The following TMEM82 variants were observed in gnomAD, a reference collection of about 807,000 sequenced individuals.
TMEM82 encodes transmembrane protein 82.
In TMEM82, 30 loss-of-function variants were observed where a neutral mutation model predicts 29.2. The observed-to-expected ratio is 1.03, with a 90% CI of 0.77 to 1.39. The LOEUF (loss-of-function observed/expected upper bound fraction) is 1.39, where lower values mean the gene tolerates loss of function less well. Ranked by LOEUF, TMEM82 falls within the 40% of genes most tolerant of loss-of-function variation. TMEM82 has a pLI of 0.00. For missense variants in TMEM82, 442 were observed against 447.7 expected (o/e 0.99, Z 0.12); for synonymous variants, 221 against 225.4 (o/e 0.98, Z 0.18).
At chr1:15,745,720 C>G (rs2068330019) in intron 4 of TMEM82, among the ~76,000 whole-genome samples, 1 of 151,660 alleles carries the variant, frequency 6.6e-6, no homozygotes, top group African/African-American at 2.4e-5. Context: ...TGGTGAAACC[C>G]CCGTCTCTAC....
At chr1:15,746,492 G>A (rs2148396297) in intron 4 of TMEM82, among the ~76,000 whole-genome samples, 1 of 152,192 alleles carries the variant, frequency 6.6e-6, no homozygotes, top group South Asian at 2.1e-4. Flanking sequence ...TTGGGCCCAG[G>A]TGGGTCCATG....
In TMEM82 at chr1:15,744,354, C is replaced by T. The variant is rs765587184; in HGVS notation, c.531C>T (p.Leu177=). The T allele has an allele frequency of 1.3e-5, 20 of 1,549,060 alleles. No individual in the cohort carries two copies. Among genetic ancestry groups the T allele is most frequent in the Middle Eastern group, 1.7e-4 (1 of 5,958 alleles). ...GCCTCCACCGCCACGTCTGCCGCCTCTACGAGCTGCACAGCAGCCAGCGCT... is the reference window on the plus strand; with the variant it reads ...GCCTCCACCGCCACGTCTGCCGCCTTTACGAGCTGCACAGCAGCCAGCGCT... ...ARRLHRHVCR[L]YELHSSQRYC... Residue 177 remains leucine (L), a synonymous_variant, in exon 4 of 6, where the codon CTC becomes CTT. Transcript: ENST00000375782. This position sits in a 1 kb window ranked among gnomAD's most constrained non-coding sequence, Gnocchi z 5.2.
At position 15,744,672 on chromosome 1, in the gene TMEM82, C is replaced by G; in HGVS notation, c.757+92C>G. 1 of 1,415,176 alleles carries G rather than the reference C, an allele frequency of 7.1e-7. No individual in the cohort carries two copies. The highest frequency in any genetic ancestry group is 9.4e-7 in the Non-Finnish European group (1 of 1,060,470). The allele number at this position is 1,415,176 out of a possible 1,614,324, so 87.7% of individuals were successfully genotyped here. On this transcript the variant is annotated intron_variant, in intron 4 of 5. Transcript: ENST00000375782. The surrounding 1 kb of genome is among the most constrained non-coding windows in gnomAD (Gnocchi z 5.2). The stretch of plus-strand genomic sequence containing the variant: ...AGGCCGAGAGCCATCAGCCCTCACT[C>G]TTGCCATCCCAGAGAGCCTGGTCAG...
Position 15,744,369 on chromosome 1 carries a change from C to A in TMEM82, c.546C>A (p.Ser182Arg), listed in dbSNP as rs751515451. 1 of 1,557,110 alleles carries A rather than the reference C, an allele frequency of 6.4e-7. No homozygotes were observed. The highest frequency in any genetic ancestry group is 1.9e-5 in the Admixed American group (1 of 52,446). Reference protein sequence around the residue: ...RHVCRLYELHSSQRYCGVCLG... With the variant: ...RHVCRLYELHRSQRYCGVCLG... ...TCTGCCGCCTCTACGAGCTGCACAGCAGCCAGCGCTACTGTGGGGTGTGCC... is the reference window on the plus strand; with the variant it reads ...TCTGCCGCCTCTACGAGCTGCACAGAAGCCAGCGCTACTGTGGGGTGTGCC... Residue 182 changes from serine to arginine, a missense_variant, in exon 4 of 6, where the codon AGC (serine) becomes AGA (arginine). Physicochemically the swap from Ser to Arg is moderately radical, Grantham distance 110 (BLOSUM62 -1). Coordinates refer to ENST00000375782, the MANE Select transcript of TMEM82 (RefSeq NM_001013641.3). This position sits in a 1 kb window ranked among gnomAD's most constrained non-coding sequence, Gnocchi z 5.2.
At chr1:15,746,461 TC>T in intron 4 of TMEM82, among the ~76,000 whole-genome samples, 1 of 150,868 alleles carries the variant, frequency 6.6e-6, no homozygotes, top group East Asian at 1.9e-4. Flanking sequence ...CAAGGAGGCT[TC>T]TTGGAAAGAG....
intron 4 of TMEM82, among the ~76,000 whole-genome samples, chr1:15,746,410 CAAAAAAAA>C (rs761074645): frequency 0.037 from 2,376 of 64,516 alleles, 39 homozygotes; most frequent in South Asian, 0.078. Context: ...AAGACTGTCT[CAAAAAAAA>C]AAAAAAAAAA....
Position 15,742,532 on chromosome 1 carries a change from G to A in TMEM82, c.-28G>A, listed in dbSNP as rs751706577. The A allele has an allele frequency of 1.6e-5, 24 of 1,546,820 alleles. No individual in the cohort carries two copies. The highest frequency in any genetic ancestry group is 1.8e-5 in the Non-Finnish European group (21 of 1,148,584). ...GGTCTGTCCTTACGCAGACCTGGCC[G>A]GAGGCTGGGGCTCCTTCCGGGGCTG... On this transcript the variant is annotated 5_prime_UTR_variant, in exon 1 of 6. Transcript: ENST00000375782.
chr1:15,743,774 A>T (rs753254757), intron 3 of TMEM82, among the ~76,000 whole-genome samples: 1 of 152,074 alleles, frequency 6.6e-6, no homozygotes, highest in Non-Finnish European at 1.5e-5. Context: ...GCCAACATGG[A>T]GAAACCCCAT....
intron 3 of TMEM82, among the ~76,000 whole-genome samples, chr1:15,743,822 G>A (rs1256047411): frequency 6.6e-5 from 10 of 152,246 alleles, no homozygotes; most frequent in African/African-American, 2.2e-4. Context: ...AAAATTAGCT[G>A]GGCATGGTGG....
intron 4 of TMEM82, 42 bp from the exon 5 acceptor site, chr1:15,746,825 G>A (rs1217429380): frequency 1.1e-5 from 17 of 1,519,792 alleles, no homozygotes; most frequent in Admixed American, 3.9e-5. Context: ...GGTCCAGTCC[G>A]GGGTGTGTGG....
At chr1:15,742,796 C>T (rs983057483) in intron 1 of TMEM82, 39 bp from the exon 2 acceptor site, 10 of 1,598,050 alleles carry the variant, frequency 6.3e-6, no homozygotes, top group African/African-American at 1.3e-5. Flanking sequence ...TCCTAACACC[C>T]CTGCACGCTG....
chr1:15,742,968 G>T lies in TMEM82; in HGVS notation c.162-52G>T, dbSNP rs960688557. 7.5e-6 allele frequency: 12 copies of T among 1,604,404 alleles called. No individual in the cohort carries two copies. The African/African-American group carries it at 1.6e-4, about 21-fold the overall frequency. ...TGGGGGCACGGGGACCCCCACCAGG[G>T]GTCGAAGGTGGCAGTTCTGCACCCC... On this transcript the variant is annotated intron_variant, in intron 2 of 5. Coordinates refer to ENST00000375782, the MANE Select transcript of TMEM82 (RefSeq NM_001013641.3).
At chr1:15,746,123 C>T (rs1482077279) in intron 4 of TMEM82, among the ~76,000 whole-genome samples, 1 of 139,812 alleles carries the variant, frequency 7.2e-6, no homozygotes, top group Non-Finnish European at 1.6e-5. Context: ...CCTCCAACTC[C>T]TGGGTTCAAT....
At chr1:15,746,796 G>A in intron 4 of TMEM82, 71 bp from the exon 5 acceptor site, 3 of 1,340,080 alleles carry the variant, frequency 2.2e-6, no homozygotes, top group East Asian at 5.0e-5. Flanking sequence ...CCTGTGGAGG[G>A]TGGGTCAGGG....
At position 15,742,599 on chromosome 1, in the gene TMEM82, C is replaced by A. The variant is rs1458700036; in HGVS notation, c.40C>A (p.Leu14Ile). 1 of 1,605,392 alleles carries A rather than the reference C, an allele frequency of 6.2e-7. No homozygotes were observed. Among genetic ancestry groups the A allele is most frequent in the Admixed American group, 1.7e-5 (1 of 59,066 alleles). The change falls in exon 1 of 6, where the codon CTC (leucine) becomes ATC (isoleucine). Residue 14 changes from leucine to isoleucine, a missense_variant. Transcript: ENST00000375782. ...LPSLPSWLPG[L>I]PSLEWGSSLL... is the part of the protein sequence containing the mutation. ...ATCCCTCCCCTCCTGGCTCCCCGGC[C>A]TCCCCTCCCTCGAGTGGGGCTCTAG...
In TMEM82 at chr1:15,743,195, G is replaced by A. The variant is rs757426371; in HGVS notation, c.336+1G>A. On this transcript the variant is annotated splice_donor_variant, in intron 3 of 5. Coordinates refer to ENST00000375782, the MANE Select transcript of TMEM82 (RefSeq NM_001013641.3). LOFTEE classifies it high-confidence loss of function. ...GTCCACGCTGCTGTCCCTGGGCAAG[G>A]TGAGGCCTCCGGGAAGGCAGTGGGT... 56 of 1,605,730 alleles carry A rather than the reference G, an allele frequency of 3.5e-5. No individual in the cohort carries two copies. The highest frequency in any genetic ancestry group is 4.4e-5 in the Non-Finnish European group (52 of 1,179,496).
chr1:15,745,627 T>C (rs1326065862), intron 4 of TMEM82, among the ~76,000 whole-genome samples: 1 of 151,670 alleles, frequency 6.6e-6, no homozygotes, highest in Non-Finnish European at 1.5e-5. Context: ...GCATAGTGGC[T>C]CACGCCTGTA....
At chr1:15,746,347 T>C (rs865967594) in intron 4 of TMEM82, among the ~76,000 whole-genome samples, 1 of 134,632 alleles carries the variant, frequency 7.4e-6, no homozygotes, top group African/African-American at 2.9e-5. Context: ...TAGCCAGGTG[T>C]GGTGGTGGTG....
In TMEM82 at chr1:15,743,038, C is replaced by T. The variant is rs368596294; in HGVS notation, c.180C>T (p.Pro60=). Residue 60 remains proline, a synonymous_variant, in exon 3 of 6, where the codon CCC becomes CCT. Coordinates refer to ENST00000375782, the MANE Select transcript of TMEM82 (RefSeq NM_001013641.3). ...VGCANDPQRR[P]EKERLRAQWA... Reference sequence around the variant, plus strand: ...CCCAAAGTGACCCGCAGCGGCGACCCGAAAAGGAGCGGCTTCGGGCCCAGT... The same window carrying T: ...CCCAAAGTGACCCGCAGCGGCGACCTGAAAAGGAGCGGCTTCGGGCCCAGT... 1.9e-5 allele frequency: 31 copies of T among 1,600,296 alleles called. No homozygotes were observed. In the East Asian group the frequency reaches 4.5e-4, roughly 23 times the overall value.
Sources: allele counts gnomAD v4.1 joint callset (sites outside exome capture counted in the v4.1 genomes callset), GRCh38; gene constraint gnomAD v4.1.1; non-coding constraint Gnocchi (gnomAD v3.1); transcripts MANE v1.5; gene names NCBI Gene and HGNC (gene_info 2026-07-23, HGNC 2026-07-21).